Variants in IL12A observed in about 807,000 individuals in gnomAD.
The protein encoded by IL12A is interleukin-12 subunit alpha.
IL12A carries 16 observed loss-of-function variants against 23.5 expected under a neutral mutation model. That is an observed-to-expected ratio of 0.68 (90% CI 0.46 to 1.03). The LOEUF is 1.03. Among genes scored for constraint, IL12A ranks in the 50% least tolerant of loss-of-function variants. IL12A has a pLI of 0.00. For missense variants in IL12A, 275 were observed against 307.0 expected (o/e 0.90, Z 0.78); for synonymous variants, 106 against 111.5 (o/e 0.95, Z 0.31).
At chr3:159,991,250 C>A (rs1319483142) in intron 2 of IL12A, among the ~76,000 whole-genome samples, 1 of 152,120 alleles carries the variant, frequency 6.6e-6, no homozygotes, top group Non-Finnish European at 1.5e-5. Context: ...CACCCCTACT[C>A]CCAGATATAG....
In IL12A at chr3:159,990,270, C is replaced by T. The variant is rs1422957970; in HGVS notation, c.222C>T (p.His74=). ...CAGGAATGTTCCCATGCCTTCACCACTCCCAAAACCTGCTGAGGGCCGTCA... is the reference window on the plus strand; with the variant it reads ...CAGGAATGTTCCCATGCCTTCACCATTCCCAAAACCTGCTGAGGGCCGTCA... Residue 74 remains histidine, a synonymous_variant, in exon 2 of 7, where the codon CAC becomes CAT. Transcript: ENST00000305579. 6.2e-7 allele frequency: 1 copy of T among 1,614,148 alleles called. No individual in the cohort carries two copies. The highest frequency in any genetic ancestry group is 8.5e-7 in the Non-Finnish European group (1 of 1,179,996).
At chr3:159,989,253 A>C in intron 1 of IL12A, 79 bp downstream of exon 1, 3 of 1,089,802 alleles carry the variant, frequency 2.8e-6, no homozygotes, top group East Asian at 2.4e-5. Flanking sequence ...GTAGAAACTC[A>C]AGTCTGCCTA....
Position 159,989,167 on chromosome 3 carries a change from A to G in IL12A, c.111A>G (p.Pro37=). 3 of 1,611,454 alleles carry G rather than the reference A, an allele frequency of 1.9e-6. No individual in the cohort carries two copies. Among genetic ancestry groups the G allele is most frequent in the Non-Finnish European group, 2.5e-6 (3 of 1,179,330 alleles). ...TGCAGTGCCGGCTCAGCATGTGTCC[A>G]GCGCGCAGTGAGTACTCAGCCCGCC... The change falls in exon 1 of 7, where the codon CCA becomes CCG. Residue 37 remains proline, a synonymous_variant. Transcript: ENST00000305579.
intron 6 of IL12A, chr3:159,994,337 T>A (rs1273624262): frequency 1.3e-5 from 2 of 156,074 alleles, no homozygotes; most frequent in Admixed American, 1.2e-4. Flanking sequence ...TGCCTGATTA[T>A]GACCCATTGT....
rs761299388 is a variant in IL12A, at chr3:159,990,332, TC to T, written c.264+22del. 8 of 1,612,708 alleles carry T rather than the reference TC, an allele frequency of 5.0e-6. No homozygotes were observed. The African/African-American group carries it at 1.1e-4, about 22-fold the overall frequency. ...CAGAAGGTGAGCCTTTCCTGTCCTC[TC>T]CACTGTGGACCTGCACCCTCCCTGA... is the stretch of plus-strand genomic sequence containing the variant. On this transcript the variant is annotated intron_variant, in intron 2 of 6. Coordinates refer to ENST00000305579, the MANE Select transcript of IL12A (RefSeq NM_000882.4).
At chr3:159,991,998 CAGGTCACA>C (rs914420622) in intron 2 of IL12A, among the ~76,000 whole-genome samples, 1 of 152,222 alleles carries the variant, frequency 6.6e-6, no homozygotes, top group African/African-American at 2.4e-5. Flanking sequence ...TCCTCTTTGG[CAGGTCACA>C]TAGCTCATTA....
chr3:159,989,478 A>C (rs1720225127), intron 1 of IL12A, among the ~76,000 whole-genome samples: 1 of 152,186 alleles, frequency 6.6e-6, no homozygotes, highest in South Asian at 2.1e-4. Flanking sequence ...GGCAGATCCT[A>C]GCCAGTTCTA....
chr3:159,993,371 T>TA (rs78163325), intron 3 of IL12A, 80 bp from the exon 4 acceptor site: 42 of 1,090,552 alleles, frequency 3.9e-5, no homozygotes, highest in African/African-American at 1.8e-4. Flanking sequence ...TTTACCATAA[T>TA]AAAAAAAATT....
Position 159,993,080 on chromosome 3 carries a change from T to C in IL12A, c.333T>C (p.Asp111=). ...TTGATCATGAAGATATCACAAAAGA[T>C]AAAACCAGCACAGTGGAGGCCTGTT... The change falls in exon 3 of 7, where the codon GAT becomes GAC. Residue 111 remains aspartate (D), a synonymous_variant. Coordinates refer to ENST00000305579, the MANE Select transcript of IL12A (RefSeq NM_000882.4). The C allele has an allele frequency of 1.2e-6, 2 of 1,609,754 alleles. No individual in the cohort carries two copies. Among genetic ancestry groups the C allele is most frequent in the Non-Finnish European group, 8.5e-7 (1 of 1,176,004 alleles).
At chr3:159,993,532 T>A (rs1720390308) in intron 4 of IL12A, 36 bp from the exon 5 acceptor site, 1 of 1,613,778 alleles carries the variant, frequency 6.2e-7, no homozygotes. Flanking sequence ...GTATGATGAA[T>A]TCATATCACT....
In IL12A at chr3:159,990,230, T is replaced by C; in HGVS notation, c.182T>C (p.Val61Ala). Residue 61 changes from valine (V) to alanine (A), a missense_variant, in exon 2 of 7, where the codon GTG (valine) becomes GCG (alanine). Coordinates refer to ENST00000305579, the MANE Select transcript of IL12A (RefSeq NM_000882.4). Reference sequence around the variant, plus strand: ...CTCAGTTTGGCCAGAAACCTCCCCGTGGCCACTCCAGACCCAGGAATGTTC... The same window carrying C: ...CTCAGTTTGGCCAGAAACCTCCCCGCGGCCACTCCAGACCCAGGAATGTTC... The C allele has an allele frequency of 6.2e-7, 1 of 1,614,108 alleles. No homozygotes were observed. Among genetic ancestry groups the C allele is most frequent in the Non-Finnish European group, 8.5e-7 (1 of 1,179,994 alleles).
Position 159,989,193 on chromosome 3 carries a change from A to G in IL12A, c.118+19A>G, listed in dbSNP as rs772730722. The G allele has an allele frequency of 5.6e-6, 9 of 1,600,120 alleles. No individual in the cohort carries two copies. In the East Asian group the frequency reaches 6.7e-5, roughly 12 times the overall value. ...GCGCGCAGTGAGTACTCAGCCCGCCAGGTCTTTGGCTCGCTCGGGTGCGGA... is the reference window on the plus strand; with the variant it reads ...GCGCGCAGTGAGTACTCAGCCCGCCGGGTCTTTGGCTCGCTCGGGTGCGGA... On this transcript the variant is annotated intron_variant, in intron 1 of 6. Transcript: ENST00000305579.
At chr3:159,990,406 G>T in intron 2 of IL12A, 94 bp downstream of exon 2, 1 of 1,305,036 alleles carries the variant, frequency 7.7e-7, no homozygotes, top group Non-Finnish European at 1.1e-6. Context: ...GAACTGCAGA[G>T]AAATTGTGGA....
rs1174523710 is a variant in IL12A, at chr3:159,995,482, C to T, written c.685C>T (p.Leu229Phe). 1 of 1,607,716 alleles carries T rather than the reference C, an allele frequency of 6.2e-7. No individual in the cohort carries two copies. The highest frequency in any genetic ancestry group is 1.1e-5 in the South Asian group (1 of 89,608). The change falls in exon 7 of 7, where the codon CTC (leucine) becomes TTC (phenylalanine). Residue 229 changes from leucine (L) to phenylalanine (F), a missense_variant. By Grantham distance (22) the Leu-to-Phe change is conservative (BLOSUM62 0). Coordinates refer to ENST00000305579, the MANE Select transcript of IL12A (RefSeq NM_000882.4). Reference sequence around the variant, plus strand: ...GGATTTTTATAAAACTAAAATCAAGCTCTGCATACTTCTTCATGCTTTCAG... The same window carrying T: ...GGATTTTTATAAAACTAAAATCAAGTTCTGCATACTTCTTCATGCTTTCAG...
chr3:159,995,100 T>C (rs1034307466), intron 6 of IL12A, among the ~76,000 whole-genome samples: 1 of 152,208 alleles, frequency 6.6e-6, no homozygotes, highest in Non-Finnish European at 1.5e-5. Context: ...AATTAGATAT[T>C]GCAGCAGATG....
Position 159,989,034 on chromosome 3 carries a change from C to A in IL12A, c.-23C>A, listed in dbSNP as rs765069694. 6.3e-7 allele frequency: 1 copy of A among 1,582,200 alleles called. No homozygotes were observed. The highest frequency in any genetic ancestry group is 2.2e-5 in the East Asian group (1 of 44,674). ...GACCAGAGTCCCGGGAAAGTCCTGC[C>A]GCGCCTCGGGACAATTATAAAAATG... On this transcript the variant is annotated 5_prime_UTR_variant, in exon 1 of 7. Coordinates refer to ENST00000305579, the MANE Select transcript of IL12A (RefSeq NM_000882.4).
At chr3:159,993,535 A>C (rs1350651575) in intron 4 of IL12A, 33 bp from the exon 5 acceptor site, 1 of 1,613,930 alleles carries the variant, frequency 6.2e-7, no homozygotes, top group Non-Finnish European at 8.5e-7. Context: ...TGATGAATTC[A>C]TATCACTGAT....
At chr3:159,990,336 C>T (rs756334698) in intron 2 of IL12A, 24 bp downstream of exon 2, 32 of 1,611,872 alleles carry the variant, frequency 2.0e-5, no homozygotes, top group Non-Finnish European at 2.7e-5. Context: ...GTCCTCTCCA[C>T]TGTGGACCTG....
At position 159,993,614 on chromosome 3, in the gene IL12A, G is replaced by A; in HGVS notation, c.462+5G>A. Reference sequence around the variant, plus strand: ...AGAAAGACCTCTTTTATGATGGTAAGACACACAGCTCTTTCCTCAAATGCA... The same window carrying A: ...AGAAAGACCTCTTTTATGATGGTAAAACACACAGCTCTTTCCTCAAATGCA... On this transcript the variant is annotated splice_donor_5th_base_variant and intron_variant, in intron 5 of 6. Transcript: ENST00000305579. 6.2e-7 allele frequency: 1 copy of A among 1,614,124 alleles called. No individual in the cohort carries two copies. The highest frequency in any genetic ancestry group is 8.5e-7 in the Non-Finnish European group (1 of 1,180,004).
Sources: allele counts gnomAD v4.1 joint callset (sites outside exome capture counted in the v4.1 genomes callset), GRCh38; gene constraint gnomAD v4.1.1; transcripts MANE v1.5; gene names NCBI Gene and HGNC (gene_info 2026-07-23, HGNC 2026-07-21).